The following GSE1 variants were observed in gnomAD, a reference collection of about 807,000 sequenced individuals.
GSE1 encodes the protein genetic suppressor element 1.
GSE1 carries 32 observed loss-of-function variants against 112.6 expected under a neutral mutation model. The observed-to-expected ratio is 0.28, with a 90% CI of 0.21 to 0.38. The LOEUF (loss-of-function observed/expected upper bound fraction) is 0.38, where lower values mean the gene tolerates loss of function less well. GSE1 is among the 10% of genes least tolerant of loss of function. The pLI is 1.00. For missense variants in GSE1, 2,348 were observed against 1,699.2 expected, an observed-to-expected ratio of 1.38 and a Z score of -6.71; for synonymous variants, 1,115 against 735.6, an observed-to-expected ratio of 1.52 and a Z score of -8.35.
At chr16:85,574,063 G>C (rs138924719) in intron 1 of GSE1, among the ~76,000 whole-genome samples, 6 of 152,282 alleles carry the variant, frequency 3.9e-5, no homozygotes, top group African/African-American at 1.4e-4. Flanking sequence ...ACACATGGCG[G>C]GCGGGGGCGC....
chr16:85,478,925 TTC>T (rs879424955), intron 2 of GSE1, among the ~76,000 whole-genome samples: 535 of 46,794 alleles, frequency 0.011, 41 homozygotes, highest in African/African-American at 0.029. Context: ...CTTTCTTTCT[TTC>T]TCTTTCTTTC....
chr16:85,587,383 G>A (rs1371117743), intron 1 of GSE1, among the ~76,000 whole-genome samples: 3 of 152,128 alleles, frequency 2.0e-5, no homozygotes, highest in Non-Finnish European at 2.9e-5. Context: ...ACCTTCCCCC[G>A]GCCCTGGCCG....
At chr16:85,304,392 C>T (rs2045609867) in intron 1 of GSE1, among the ~76,000 whole-genome samples, 2 of 152,154 alleles carry the variant, frequency 1.3e-5, no homozygotes, top group South Asian at 4.1e-4. Context: ...GGGCTGGGTG[C>T]CTGCATTCTG....
chr16:85,628,274 C>G (rs1158925980), intron 1 of GSE1, among the ~76,000 whole-genome samples: 1 of 152,262 alleles, frequency 6.6e-6, no homozygotes, highest in Non-Finnish European at 1.5e-5. Context: ...GACCTGACAT[C>G]AGCAGAGCCG....
intron 2 of GSE1, among the ~76,000 whole-genome samples, chr16:85,523,264 CTGTG>C (rs1461687129): frequency 6.8e-6 from 1 of 147,152 alleles, no homozygotes; most frequent in African/African-American, 2.7e-5. Context: ...TGTGTGTGCC[CTGTG>C]TGTGTGAGAC....
rs561406217 is a variant in GSE1, at chr16:85,340,559, T to C, written c.2284-16904T>C. 1.3e-3 allele frequency among the ~76,000 whole-genome samples: 205 copies of C among 152,276 alleles called. 1 individual carries two copies. The highest frequency in any genetic ancestry group is 4.8e-3 in the African/African-American group (200 of 41,552). On this transcript the variant is annotated intron_variant, in intron 1 of 2. Transcript: ENST00000637419. ...GGGAGGCTGAGGCAGGAGAATCGCT[T>C]GAACCCGGGAGGAAGAGGTTGCAGT...
At chr16:85,659,831 C>T (rs1385018717) in intron 8 of GSE1, among the ~76,000 whole-genome samples, 1 of 152,232 alleles carries the variant, frequency 6.6e-6, no homozygotes, top group East Asian at 1.9e-4. Context: ...TCTTTCCCTC[C>T]CTGCCTCAGC....
chr16:85,492,926 T>A (rs2151896940), intron 2 of GSE1, among the ~76,000 whole-genome samples: 1 of 152,290 alleles, frequency 6.6e-6, no homozygotes, highest in South Asian at 2.1e-4. Flanking sequence ...GAGGAGCTTA[T>A]CGTCTCTGTG....
intron 2 of GSE1, among the ~76,000 whole-genome samples, chr16:85,435,822 C>A (rs1039861348): frequency 6.6e-6 from 1 of 152,126 alleles, no homozygotes. Flanking sequence ...GACCAGGGGC[C>A]GTGCACCCAG....
chr16:85,243,577 G>T (rs530957637), intron 1 of GSE1, among the ~76,000 whole-genome samples: 3 of 152,228 alleles, frequency 2.0e-5, no homozygotes, highest in African/African-American at 7.2e-5. Context: ...GGAGCCAAGT[G>T]TTGGCCTCTA....
intron 1 of GSE1, among the ~76,000 whole-genome samples, chr16:85,331,683 GT>G (rs2046370305): frequency 2.2e-5 from 1 of 46,390 alleles, no homozygotes. Context: ...GTGTGTGTGT[GT>G]GTATATATAT....
intron 4 of GSE1, 146 bp from the exon 5 acceptor site, chr16:85,654,648 T>C: frequency 1.4e-6 from 1 of 714,346 alleles, no homozygotes; most frequent in Non-Finnish European, 2.4e-6. Flanking sequence ...CTCCCCCCGC[T>C]GCTTAAGCCC....
chr16:85,465,569 C>G (rs1263306346), intron 2 of GSE1, among the ~76,000 whole-genome samples: 1 of 152,220 alleles, frequency 6.6e-6, no homozygotes, highest in Non-Finnish European at 1.5e-5. Context: ...TTTCTTCCAC[C>G]TGGAAGTCCC....
intron 1 of GSE1, among the ~76,000 whole-genome samples, chr16:85,575,442 G>A (rs1348884367): frequency 2.0e-5 from 3 of 152,146 alleles, no homozygotes; most frequent in African/African-American, 7.2e-5. Context: ...GCTTCGCTCT[G>A]GTGCTGTGTG....
At chr16:85,459,470 T>C (rs1246559099) in intron 2 of GSE1, among the ~76,000 whole-genome samples, 1 of 152,220 alleles carries the variant, frequency 6.6e-6, no homozygotes, top group Non-Finnish European at 1.5e-5. Context: ...GGCAGCCCTT[T>C]TCCCTGGGCT....
At position 85,675,311 on chromosome 16, in the gene GSE1, T is replaced by C. The variant is rs1231669815; in HGVS notation, c.*2772T>C. On this transcript the variant is annotated 3_prime_UTR_variant, in exon 16 of 16. Coordinates refer to ENST00000253458, the MANE Select transcript of GSE1 (RefSeq NM_014615.5). Reference sequence around the variant, plus strand: ...GGAAGGGAGCTGCCATCTGTCCCTCTGCAGAGGGATACCTTCCAATAGTAA... The same window carrying C: ...GGAAGGGAGCTGCCATCTGTCCCTCCGCAGAGGGATACCTTCCAATAGTAA... 2 of 152,306 alleles carry C rather than the reference T, an allele frequency of 1.3e-5. No individual in the cohort carries two copies. Among genetic ancestry groups the C allele is most frequent in the Admixed American group, 1.3e-4 (2 of 15,300 alleles). The allele number at this position is 152,306 out of a possible 1,614,324, so 9.4% of individuals were successfully genotyped here.
At chr16:85,466,243 G>A (rs1318594552) in intron 2 of GSE1, among the ~76,000 whole-genome samples, 1 of 152,244 alleles carries the variant, frequency 6.6e-6, no homozygotes, top group Non-Finnish European at 1.5e-5. Context: ...CCCAGGCTCT[G>A]GTAGCCAGGA....
At chr16:85,267,332 A>G (rs894277605) in intron 1 of GSE1, among the ~76,000 whole-genome samples, 1 of 152,156 alleles carries the variant, frequency 6.6e-6, no homozygotes, top group Admixed American at 6.5e-5. Flanking sequence ...AGCAAAGTGG[A>G]CCAGCTTTTC....
intron 1 of GSE1, among the ~76,000 whole-genome samples, chr16:85,584,541 C>A (rs1399591335): frequency 6.6e-6 from 1 of 152,220 alleles, no homozygotes; most frequent in Non-Finnish European, 1.5e-5. Context: ...AGAACGCCTG[C>A]GAAGCAGTAG....
Sources: allele counts gnomAD v4.1 joint callset (sites outside exome capture counted in the v4.1 genomes callset), GRCh38; gene constraint gnomAD v4.1.1; transcripts MANE v1.5; gene names NCBI Gene and HGNC (gene_info 2026-07-23, HGNC 2026-07-21).